The following CDH8 variants were observed in gnomAD, a reference collection of about 807,000 sequenced individuals.
CDH8 encodes cadherin-8.
In CDH8, 17 loss-of-function variants were observed where a neutral mutation model predicts 68.1. The ratio of observed to expected loss-of-function variants is 0.25; its 90% CI spans 0.17 to 0.37. The LOEUF is 0.37. CDH8 is among the 10% of genes least tolerant of loss of function. The pLI is 1.00. For missense variants in CDH8, 763 were observed against 999.3 expected (o/e 0.76, Z 3.19); for synonymous variants, 372 against 365.1 (o/e 1.02, Z -0.21).
Position 61,653,837 on chromosome 16 carries a change from A to G in CDH8, c.2171T>C (p.Phe724Ser). The change falls in exon 12 of 12, where the codon TTT becomes TCT. Residue 724 changes from phenylalanine (F) to serine (S), a missense_variant. Transcript: ENST00000577390. ...TGCCTCATGCAGCCTTACATTTATA[A>G]ATTCATCGACATCAACACCATTTGG... The part of the protein sequence containing the change: ...PVPNGVDVDE[F>S]INVRLHEADN... The G allele has an allele frequency of 6.2e-7, 1 of 1,614,134 alleles. No homozygotes were observed. The highest frequency in any genetic ancestry group is 1.1e-5 in the South Asian group (1 of 91,090).
chr16:61,926,771 C>T (rs1167247691), intron 2 of CDH8, among the ~76,000 whole-genome samples: 1 of 152,134 alleles, frequency 6.6e-6, no homozygotes, highest in Non-Finnish European at 1.5e-5. Context: ...TATGTAGACT[C>T]ACGCTGGAGA....
At chr16:61,666,320 T>C (rs1963678708) in intron 10 of CDH8, among the ~76,000 whole-genome samples, 1 of 152,030 alleles carries the variant, frequency 6.6e-6, no homozygotes, top group Non-Finnish European at 1.5e-5. Context: ...TCTCTTTGTA[T>C]GTTTAATAAA....
chr16:61,945,994 C>T (rs1424123779), intron 2 of CDH8, among the ~76,000 whole-genome samples: 1 of 152,118 alleles, frequency 6.6e-6, no homozygotes, highest in Admixed American at 6.6e-5. Context: ...TTTAATGAGT[C>T]ACAGGCAGAA....
chr16:61,698,200 G>A (rs150861657), intron 10 of CDH8, among the ~76,000 whole-genome samples: 2 of 152,146 alleles, frequency 1.3e-5, no homozygotes. Flanking sequence ...TTGAGCCCAC[G>A]TATAATTATT....
intron 10 of CDH8, among the ~76,000 whole-genome samples, chr16:61,702,252 G>C (rs1385630377): frequency 6.6e-6 from 1 of 152,102 alleles, no homozygotes; most frequent in Non-Finnish European, 1.5e-5. Flanking sequence ...GGTGCCTGTA[G>C]TCCCAGCTAC....
intron 4 of CDH8, among the ~76,000 whole-genome samples, chr16:61,851,902 G>A (rs1054312428): frequency 6.6e-6 from 1 of 151,932 alleles, no homozygotes; most frequent in Non-Finnish European, 1.5e-5. Context: ...TGAAAGTTAA[G>A]TGGGAAGCAA....
intron 2 of CDH8, among the ~76,000 whole-genome samples, chr16:61,983,645 T>G (rs941321028): frequency 2.0e-5 from 3 of 152,184 alleles, no homozygotes; most frequent in African/African-American, 4.8e-5. Flanking sequence ...CTGTGTAAAA[T>G]GCTGCTTAAC....
At chr16:61,707,489 T>C (rs574651052) in intron 10 of CDH8, among the ~76,000 whole-genome samples, 1 of 152,294 alleles carries the variant, frequency 6.6e-6, no homozygotes, top group Non-Finnish European at 1.5e-5. Context: ...TGTTTCATTC[T>C]AATTCATCCC....
chr16:62,002,889 T>G (rs1965915069), intron 2 of CDH8, among the ~76,000 whole-genome samples: 1 of 152,152 alleles, frequency 6.6e-6, no homozygotes, highest in African/African-American at 2.4e-5. Flanking sequence ...CCGTCTCTAC[T>G]AAAAATACAA....
At chr16:61,838,474 C>T (rs569252271) in intron 4 of CDH8, among the ~76,000 whole-genome samples, 9 of 152,196 alleles carry the variant, frequency 5.9e-5, no homozygotes, top group Admixed American at 3.3e-4. Context: ...GGGGTGTCTC[C>T]GCAAGATTCT....
intron 4 of CDH8, among the ~76,000 whole-genome samples, 164 bp from the exon 5 acceptor site, chr16:61,825,343 A>G (rs949159456): frequency 1.3e-5 from 2 of 151,942 alleles, no homozygotes; most frequent in Non-Finnish European, 2.9e-5. Context: ...TGTTACATCA[A>G]TGAGAAAGAC....
At chr16:61,960,411 ATGTG>A (rs1215254936) in intron 2 of CDH8, among the ~76,000 whole-genome samples, 20 of 80,626 alleles carry the variant, frequency 2.5e-4, no homozygotes, top group Non-Finnish European at 4.6e-4. Context: ...ATATACATAT[ATGTG>A]TGTGTGTATA....
chr16:61,675,627 T>G (rs74844284), intron 10 of CDH8, among the ~76,000 whole-genome samples: 1 of 43,654 alleles, frequency 2.3e-5, no homozygotes, highest in Admixed American at 1.5e-4. Context: ...ATAAAAAAAA[T>G]AAAAAAAAAT....
intron 10 of CDH8, among the ~76,000 whole-genome samples, chr16:61,706,631 A>AAAAAAAAAAAAAAAAAAAAC (rs1964540406): frequency 6.6e-6 from 1 of 151,086 alleles, no homozygotes; most frequent in African/African-American, 2.4e-5. Flanking sequence ...AAAAAAAAAA[A>AAAAAAAAAAAAAAAAAAAAC]AAAAAAAAAA....
intron 3 of CDH8, among the ~76,000 whole-genome samples, chr16:61,893,659 C>CA (rs1305567292): frequency 6.6e-6 from 1 of 151,946 alleles, no homozygotes; most frequent in Non-Finnish European, 1.5e-5. Context: ...CGCGTTGGGC[C>CA]AAAAGGTGAG....
intron 2 of CDH8, among the ~76,000 whole-genome samples, chr16:61,938,817 TG>T (rs1964666830): frequency 6.6e-6 from 1 of 152,196 alleles, no homozygotes; most frequent in Non-Finnish European, 1.5e-5. Flanking sequence ...GTACACACTG[TG>T]TGAACTTAAG....
chr16:61,908,702 C>T (rs1597057360), intron 2 of CDH8, among the ~76,000 whole-genome samples: 1 of 152,206 alleles, frequency 6.6e-6, no homozygotes. Flanking sequence ...CTTCAGGCTG[C>T]ACCACATAAT....
chr16:61,653,112 G>C lies in CDH8; in HGVS notation c.*496C>G. The stretch of plus-strand genomic sequence containing the variant: ...AGGAGGCCTCTCAAAACTCCAAAAA[G>C]TTATAATGTACAGCAGACCAAGTAT... On this transcript the variant is annotated 3_prime_UTR_variant, in exon 12 of 12. Transcript: ENST00000577390. The C allele has an allele frequency of 8.0e-7, 1 of 1,256,294 alleles. No individual in the cohort carries two copies. Among genetic ancestry groups the C allele is most frequent in the Non-Finnish European group, 1.0e-6 (1 of 1,001,592 alleles). 77.8% of individuals were successfully genotyped at this position (1,256,294 alleles called of 1,614,324 possible). A position where few individuals can be genotyped will look rare whatever the true frequency, so the allele number is the denominator to read the frequency against.
chr16:61,916,635 T>C (rs1964243441), intron 2 of CDH8, among the ~76,000 whole-genome samples: 1 of 152,224 alleles, frequency 6.6e-6, no homozygotes, highest in African/African-American at 2.4e-5. Flanking sequence ...TGATTAGATA[T>C]GCTAGTTTTA....
Sources: allele counts gnomAD v4.1 joint callset (sites outside exome capture counted in the v4.1 genomes callset), GRCh38; gene constraint gnomAD v4.1.1; transcripts MANE v1.5; gene names NCBI Gene and HGNC (gene_info 2026-07-23, HGNC 2026-07-21).